UFSP2: variants seen among roughly 807,000 people sequenced by gnomAD.
UFSP2 encodes the protein ufm1-specific protease 2.
UFSP2 carries 43 observed loss-of-function variants against 60.2 expected under a neutral mutation model. The observed-to-expected ratio is 0.71, with a 90% CI of 0.56 to 0.92. The LOEUF (loss-of-function observed/expected upper bound fraction) is 0.92. Ranked by LOEUF, UFSP2 falls within the 40% of genes least tolerant of loss-of-function variation. The pLI is 0.00. For synonymous variants in UFSP2, 183 were observed against 195.1 expected, an observed-to-expected ratio of 0.94 and a Z score of 0.52; for missense variants, 520 against 575.0, an observed-to-expected ratio of 0.90 and a Z score of 0.98.
chr4:185,407,900 T>TC (rs778327710), intron 9 of UFSP2, 36 bp downstream of exon 9: 1 of 1,581,902 alleles, frequency 6.3e-7, no homozygotes, highest in South Asian at 1.2e-5. Flanking sequence ...ACTGTCACTT[T>TC]GAAATGATTT....
chr4:185,400,205 C>T lies in UFSP2; in HGVS notation c.*187G>A, dbSNP rs1419442577. The T allele has an allele frequency of 1.3e-5, 9 of 702,880 alleles. No individual in the cohort carries two copies. Among genetic ancestry groups the T allele is most frequent in the Non-Finnish European group, 2.1e-5 (9 of 429,828 alleles). 43.5% of individuals were successfully genotyped at this position (702,880 alleles called of 1,614,324 possible). On this transcript the variant is annotated 3_prime_UTR_variant, in exon 12 of 12. Transcript: ENST00000264689. The stretch of plus-strand genomic sequence containing the variant: ...GCCTATAATATGCTGGTTGTGTATG[C>T]TTTGTCTTTTAAGTTATTAAAGGAA...
Position 185,425,903 on chromosome 4 carries a change from C to A in UFSP2, c.-35G>T, listed in dbSNP as rs976859374. 1.3e-6 allele frequency: 2 copies of A among 1,585,364 alleles called. No individual in the cohort carries two copies. The highest frequency in any genetic ancestry group is 2.7e-5 in the African/African-American group (2 of 74,532). ...GTGGCGGTGACACGGGCGCTGACGC[C>A]TGCCCAAAAGTTCCGGGGGCCGGCC... On this transcript the variant is annotated 5_prime_UTR_variant, in exon 1 of 12. It adds an upstream start codon to the 5' untranslated region. Transcript: ENST00000264689.
chr4:185,424,112 G>A (rs1344624314), intron 1 of UFSP2, among the ~76,000 whole-genome samples: 1 of 149,578 alleles, frequency 6.7e-6, no homozygotes, highest in Non-Finnish European at 1.5e-5. Context: ...GACCAGACTG[G>A]GCAACATAGG....
chr4:185,420,491 A>G (rs923964113), intron 2 of UFSP2, among the ~76,000 whole-genome samples: 1 of 152,118 alleles, frequency 6.6e-6, no homozygotes, highest in Non-Finnish European at 1.5e-5. Context: ...TTCTGCTGAA[A>G]GAGTATTTAA....
chr4:185,406,218 T>A, intron 9 of UFSP2: 1 of 277,524 alleles, frequency 3.6e-6, no homozygotes, highest in South Asian at 4.1e-5. Context: ...AAGTCCTGGG[T>A]TCTTGCCTTC....
Position 185,399,986 on chromosome 4 carries a change from G to C in UFSP2, c.*406C>G. On this transcript the variant is annotated 3_prime_UTR_variant, in exon 12 of 12. Coordinates refer to ENST00000264689, the MANE Select transcript of UFSP2 (RefSeq NM_018359.5). ...GGGATAAAACTCTTTTTAAAAAAAA[G>C]TTTTTAATGTTAACGTGTTTTTAAA... 1.9e-6 allele frequency: 3 copies of C among 1,597,692 alleles called. No individual in the cohort carries two copies. The highest frequency in any genetic ancestry group is 2.6e-6 in the Non-Finnish European group (3 of 1,175,888).
chr4:185,418,561 T>G (rs2095543495), intron 3 of UFSP2, 26 bp downstream of exon 3: 1 of 1,610,996 alleles, frequency 6.2e-7, no homozygotes, highest in African/African-American at 1.3e-5. Flanking sequence ...TTGAAAACAT[T>G]TCTAGAAATC....
At chr4:185,407,056 G>GTTTT (rs200789059) in intron 9 of UFSP2, among the ~76,000 whole-genome samples, 1 of 52,016 alleles carries the variant, frequency 1.9e-5, no homozygotes, top group African/African-American at 5.6e-5. Context: ...GTATTTTTCT[G>GTTTT]TTTTTTTTTT....
At chr4:185,415,980 T>A in intron 4 of UFSP2, 113 bp from the exon 5 acceptor site, 1 of 854,134 alleles carries the variant, frequency 1.2e-6, no homozygotes, top group Non-Finnish European at 1.7e-6. Context: ...AATTTAAGAC[T>A]AGCCAAGTAC....
intron 11 of UFSP2, 177 bp from the exon 12 acceptor site, chr4:185,400,655 A>T (rs2095512184): frequency 2.3e-6 from 1 of 438,638 alleles, no homozygotes; most frequent in Middle Eastern, 3.2e-4. Context: ...CCTTTAAGGT[A>T]GGTTTTTGAA....
In UFSP2 at chr4:185,400,102, T is replaced by C; in HGVS notation, c.*290A>G. The stretch of plus-strand genomic sequence containing the variant: ...TCCTGCTTTTGGCTTTACCATATGT[T>C]GTGTCTAATCTCCTTCTGAGAAGGA... On this transcript the variant is annotated 3_prime_UTR_variant, in exon 12 of 12. Coordinates refer to ENST00000264689, the MANE Select transcript of UFSP2 (RefSeq NM_018359.5). 7.8e-7 allele frequency: 1 copy of C among 1,284,760 alleles called. No homozygotes were observed. The highest frequency in any genetic ancestry group is 1.1e-6 in the Non-Finnish European group (1 of 909,408). 79.6% of individuals were successfully genotyped at this position (1,284,760 alleles called of 1,614,324 possible). A position where few individuals can be genotyped will look rare whatever the true frequency, so the allele number is the denominator to read the frequency against.
chr4:185,421,048 T>A (rs2095548525), intron 2 of UFSP2, among the ~76,000 whole-genome samples: 1 of 152,230 alleles, frequency 6.6e-6, no homozygotes, highest in Non-Finnish European at 1.5e-5. Flanking sequence ...ACTAATAACA[T>A]AGGCCTGAAA....
Position 185,423,034 on chromosome 4 carries a change from T to G in UFSP2, c.4-471A>C, listed in dbSNP as rs142063954. On this transcript the variant is annotated intron_variant, in intron 1 of 11. Coordinates refer to ENST00000264689, the MANE Select transcript of UFSP2 (RefSeq NM_018359.5). The stretch of plus-strand genomic sequence containing the variant: ...CCACCACGCCTGGCTAATTTTTGTA[T>G]TTTTAGTAAGGACGGGATCTCAGAA... 5.9e-3 allele frequency among the ~76,000 whole-genome samples: 897 copies of G among 152,326 alleles called. 7 individuals are homozygous for G. The highest frequency in any genetic ancestry group is 0.02 in the African/African-American group (836 of 41,562).
At chr4:185,416,763 T>C (rs1340073583) in intron 4 of UFSP2, among the ~76,000 whole-genome samples, 3 of 152,374 alleles carry the variant, frequency 2.0e-5, no homozygotes, top group African/African-American at 4.8e-5. Flanking sequence ...TGGAGCCAGC[T>C]TGAAGAAACT....
chr4:185,415,680 A>G, intron 5 of UFSP2, 30 bp downstream of exon 5: 1 of 1,583,416 alleles, frequency 6.3e-7, no homozygotes, highest in South Asian at 1.1e-5. Context: ...CCTCATTCAA[A>G]TGTGGCAGTG....
At chr4:185,400,652 G>C in intron 11 of UFSP2, 174 bp from the exon 12 acceptor site, 2 of 439,080 alleles carry the variant, frequency 4.6e-6, no homozygotes, top group Non-Finnish European at 8.1e-6. Context: ...TACCCTTTAA[G>C]GTAGGTTTTT....
chr4:185,419,138 T>TC (rs1271369495), intron 2 of UFSP2, among the ~76,000 whole-genome samples: 1 of 152,096 alleles, frequency 6.6e-6, no homozygotes. Flanking sequence ...CTACATCTTT[T>TC]CTTTTTTTTT....
chr4:185,403,746 G>C, intron 10 of UFSP2, 128 bp from the exon 11 acceptor site: 1 of 1,177,054 alleles, frequency 8.5e-7, no homozygotes, highest in Non-Finnish European at 1.2e-6. Context: ...TTTGGGAGGT[G>C]GGTGGATCAC....
intron 6 of UFSP2, among the ~76,000 whole-genome samples, chr4:185,414,086 C>G (rs1030830279): frequency 1.3e-5 from 2 of 151,990 alleles, no homozygotes; most frequent in Non-Finnish European, 2.9e-5. Context: ...TGGGTAGAAA[C>G]TGGAAGGGAA....
Sources: gnomAD v4.1 joint callset for allele counts (sites outside exome capture counted in the v4.1 genomes callset) on GRCh38, gnomAD v4.1.1 for gene constraint, MANE v1.5 for transcripts, NCBI Gene and HGNC (gene_info 2026-07-23, HGNC 2026-07-21) for gene names.